Variants in PDS5A observed in about 807,000 individuals in gnomAD.
The protein encoded by PDS5A is PDS5 cohesin associated factor A.
A neutral mutation model predicts 167.1 loss-of-function variants in PDS5A; 42 were observed. That is an observed-to-expected ratio of 0.25 (90% CI 0.20 to 0.33). The LOEUF (loss-of-function observed/expected upper bound fraction) is 0.33, where lower values mean the gene tolerates loss of function less well. PDS5A is among the 10% of genes least tolerant of loss of function. The pLI is 1.00. For synonymous variants in PDS5A, 553 were observed against 554.6 expected (o/e 1.00, Z 0.04); for missense variants, 1,033 against 1,605.9 (o/e 0.64, Z 6.10).
intron 22 of PDS5A, among the ~76,000 whole-genome samples, chr4:39,867,259 A>C (rs908359309): frequency 6.6e-6 from 1 of 151,872 alleles, no homozygotes; most frequent in Admixed American, 6.6e-5. Flanking sequence ...TTTTTTTTCC[A>C]ACAGATAAGG....
rs1332011766 is a variant in PDS5A at position 39,823,687 on chromosome 4, CT to C, written c.*1797del. 1 of 152,580 alleles carries C rather than the reference CT, an allele frequency of 6.6e-6. No homozygotes were observed. Among genetic ancestry groups the C allele is most frequent in the Non-Finnish European group, 1.5e-5 (1 of 68,022 alleles). The allele number at this position is 152,580 out of a possible 1,614,324, so 9.5% of individuals were successfully genotyped here. A position where few individuals can be genotyped will look rare whatever the true frequency, so the allele number is the denominator to read the frequency against. On this transcript the variant is annotated 3_prime_UTR_variant, in exon 33 of 33. Transcript: ENST00000303538. ...AGCATGTTGGAGGCAATATTTTATA[CT>C]TTCTAAAGGGTTCTGAAGAGGCAAT... is the stretch of plus-strand genomic sequence containing the variant.
intron 32 of PDS5A, among the ~76,000 whole-genome samples, chr4:39,832,495 C>T (rs997310466): frequency 6.6e-6 from 1 of 152,022 alleles, no homozygotes; most frequent in African/African-American, 2.4e-5. Context: ...GCATGAGCCA[C>T]CGTTCCTGGC....
At chr4:39,840,794 G>A (rs1021808976) in intron 31 of PDS5A, among the ~76,000 whole-genome samples, 9 of 152,048 alleles carry the variant, frequency 5.9e-5, no homozygotes, top group Non-Finnish European at 1.0e-4. Context: ...CACTCTTGTC[G>A]CCCAGGCTGG....
chr4:39,849,389 A>G, intron 27 of PDS5A, 131 bp downstream of exon 27: 1 of 635,180 alleles, frequency 1.6e-6, no homozygotes, highest in South Asian at 2.3e-5. Context: ...AAAACTGACT[A>G]CACATTTACT....
intron 10 of PDS5A, chr4:39,909,945 T>C (rs1315441082): frequency 9.0e-6 from 2 of 221,524 alleles, no homozygotes; most frequent in Admixed American, 1.1e-4. Flanking sequence ...GATTAAAATA[T>C]GAAGATTTTA....
At chr4:39,829,058 G>C (rs1437605403) in intron 32 of PDS5A, among the ~76,000 whole-genome samples, 1 of 152,136 alleles carries the variant, frequency 6.6e-6, no homozygotes, top group Non-Finnish European at 1.5e-5. Context: ...CCCCTAAGGA[G>C]AGCTGATTCT....
intron 2 of PDS5A, among the ~76,000 whole-genome samples, chr4:39,938,288 C>T (rs992973913): frequency 3.5e-4 from 54 of 152,184 alleles, no homozygotes; most frequent in African/African-American, 1.2e-3. Flanking sequence ...GGCACGGTGG[C>T]TCACACCTGT....
In PDS5A at chr4:39,922,753, A is replaced by AT. The variant is rs1491213532; in HGVS notation, c.528-6_528-5insA. ...ACCTTCTTATTGTGGCTATTGCTAT[A>AT]AAAAAAAAAAAAAAAGAATAAGTAG... is the stretch of plus-strand genomic sequence containing the variant. On this transcript the variant is annotated splice_polypyrimidine_tract_variant and splice_region_variant and intron_variant, in intron 5 of 32. Coordinates refer to ENST00000303538, the MANE Select transcript of PDS5A (RefSeq NM_001100399.2). 40 of 348,404 alleles carry AT rather than the reference A, an allele frequency of 1.1e-4. No homozygotes were observed. The highest frequency in any genetic ancestry group is 1.2e-4 in the Non-Finnish European group (31 of 255,556). 21.6% of individuals were successfully genotyped at this position (348,404 alleles called of 1,614,324 possible).
At chr4:39,939,096 G>A (rs1389839290) in intron 2 of PDS5A, among the ~76,000 whole-genome samples, 2 of 152,134 alleles carry the variant, frequency 1.3e-5, no homozygotes, top group African/African-American at 4.8e-5. Context: ...AGTCATGTTG[G>A]CCAATACCTG....
chr4:39,854,650 T>C (rs1309739752), intron 26 of PDS5A, among the ~76,000 whole-genome samples: 5 of 152,226 alleles, frequency 3.3e-5, no homozygotes, highest in African/African-American at 9.6e-5. Context: ...TAGCAGAGCA[T>C]ATATCACATA....
intron 6 of PDS5A, 21 bp downstream of exon 6, chr4:39,922,601 A>T (rs1725086611): frequency 6.6e-7 from 1 of 1,522,892 alleles, no homozygotes; most frequent in African/African-American, 1.4e-5. Flanking sequence ...TTAACCTTGA[A>T]TATCTTCATA....
chr4:39,972,621 C>A (rs1377856021), intron 2 of PDS5A, among the ~76,000 whole-genome samples: 3 of 151,010 alleles, frequency 2.0e-5, no homozygotes, highest in Admixed American at 2.0e-4. Flanking sequence ...CTGCCTCAGC[C>A]CTCAAAATGC....
intron 30 of PDS5A, among the ~76,000 whole-genome samples, chr4:39,842,909 T>TATATATATATA (rs1717167841): frequency 5.0e-4 from 46 of 92,312 alleles, no homozygotes; most frequent in South Asian, 1.2e-3. Context: ...TATCCTATTT[T>TATATATATATA]TATATATATA....
rs1722668438 is a variant in PDS5A, at chr4:39,899,216, C to T, written c.1582-391G>A. On this transcript the variant is annotated intron_variant, in intron 14 of 32. Coordinates refer to ENST00000303538, the MANE Select transcript of PDS5A (RefSeq NM_001100399.2). Reference sequence around the variant, plus strand: ...ATTAACTAAAAATATAGAGAAGAAACTTTTTTTTCTGCAATAGAGTTCTGT... The same window carrying T: ...ATTAACTAAAAATATAGAGAAGAAATTTTTTTTTCTGCAATAGAGTTCTGT... Among the ~76,000 whole-genome samples, 2 of 151,984 alleles carry T rather than the reference C, an allele frequency of 1.3e-5. 1 individual carries two copies. The highest frequency in any genetic ancestry group is 4.2e-4 in the South Asian group (2 of 4,816).
intron 2 of PDS5A, among the ~76,000 whole-genome samples, chr4:39,939,240 T>A (rs1726987223): frequency 1.3e-5 from 2 of 151,828 alleles, no homozygotes; most frequent in South Asian, 2.1e-4. Flanking sequence ...GGCAGGAAAA[T>A]CGCTTGAGCC....
chr4:39,842,383 C>G (rs1000238225), intron 30 of PDS5A, among the ~76,000 whole-genome samples: 1 of 152,202 alleles, frequency 6.6e-6, no homozygotes, highest in Middle Eastern at 3.4e-3. Flanking sequence ...AATAGAAAAT[C>G]CTAAAACAAA....
chr4:39,854,085 T>C (rs1718337163), intron 26 of PDS5A, among the ~76,000 whole-genome samples: 1 of 152,158 alleles, frequency 6.6e-6, no homozygotes, highest in Non-Finnish European at 1.5e-5. Flanking sequence ...GTGGATCACC[T>C]GAGGCCAGGA....
intron 2 of PDS5A, chr4:39,974,109 G>A (rs182124568): frequency 3.3e-4 from 182 of 556,586 alleles, no homozygotes; most frequent in East Asian, 1.1e-3. Flanking sequence ...GCGACAGAGC[G>A]AGACTCTGTC....
intron 17 of PDS5A, among the ~76,000 whole-genome samples, chr4:39,882,682 T>G (rs1360773273): frequency 2.6e-5 from 4 of 152,204 alleles, no homozygotes; most frequent in African/African-American, 9.7e-5. Context: ...AGAGACATAA[T>G]CTCTGCTATC....
Sources: gnomAD v4.1 joint callset for allele counts (sites outside exome capture counted in the v4.1 genomes callset) on GRCh38, gnomAD v4.1.1 for gene constraint, MANE v1.5 for transcripts, NCBI Gene and HGNC (gene_info 2026-07-23, HGNC 2026-07-21) for gene names.